NOTCH2: variants seen among roughly 807,000 people sequenced by gnomAD.
NOTCH2 encodes neurogenic locus notch homolog protein 2.
A neutral mutation model predicts 235.8 loss-of-function variants in NOTCH2; 29 were observed. The observed-to-expected ratio is 0.12, with a 90% CI of 0.09 to 0.17. The LOEUF is 0.17. Ranked by LOEUF, NOTCH2 falls within the 10% of genes least tolerant of loss-of-function variation. NOTCH2 has a pLI of 1.00. For missense variants in NOTCH2, 2,285 were observed against 3,150.2 expected (o/e 0.73, Z 6.57); for synonymous variants, 1,086 against 1,141.5 (o/e 0.95, Z 0.98).
At chr1:119,949,574 G>GA (rs1391711731) in intron 15 of NOTCH2, among the ~76,000 whole-genome samples, 1 of 151,954 alleles carries the variant, frequency 6.6e-6, no homozygotes, top group African/African-American at 2.4e-5. Context: ...TTTTAGTAGA[G>GA]ACGGGGTTTC....
Position 120,058,295 on chromosome 1 carries a change from G to A in NOTCH2, c.73+11039C>T, listed in dbSNP as rs148751544. ...GAGGCGGGCGGATCACCTGAGGTCA[G>A]GAGTACGAGACCAGCCTGCCCAACA... is the stretch of plus-strand genomic sequence containing the variant. On this transcript the variant is annotated intron_variant, in intron 1 of 33. Coordinates refer to ENST00000256646, the MANE Select transcript of NOTCH2 (RefSeq NM_024408.4). Among the ~76,000 whole-genome samples, 18 of 151,662 alleles carry A rather than the reference G, an allele frequency of 1.2e-4. No individual in the cohort carries two copies. The East Asian group carries it at 1.7e-3, about 15-fold the overall frequency.
intron 16 of NOTCH2, among the ~76,000 whole-genome samples, 195 bp from the exon 17 acceptor site, chr1:119,948,761 A>G (rs1272168055): frequency 1.3e-5 from 2 of 152,114 alleles, no homozygotes; most frequent in African/African-American, 4.8e-5. Flanking sequence ...TCCCTGAAGA[A>G]TGAACATCAT....
At chr1:119,982,967 T>C (rs74425032) in intron 5 of NOTCH2, among the ~76,000 whole-genome samples, 245 of 152,306 alleles carry the variant, frequency 1.6e-3, no homozygotes, top group Admixed American at 3.5e-3. Flanking sequence ...TGGTAATACC[T>C]ACAGACCATC....
At chr1:119,935,345 G>A in intron 22 of NOTCH2, 127 bp downstream of exon 22, 2 of 1,605,250 alleles carry the variant, frequency 1.2e-6, no homozygotes, top group South Asian at 2.2e-5. Flanking sequence ...CTAGGATGTA[G>A]AACTAAATGC....
Position 119,941,720 on chromosome 1 carries a change from T to A in NOTCH2, c.2787A>T (p.Gly929=). The change falls in exon 18 of 34, where the codon GGA becomes GGT. Residue 929 remains glycine, a synonymous_variant. Coordinates refer to ENST00000256646, the MANE Select transcript of NOTCH2 (RefSeq NM_024408.4). ...PCQNGGSCMD[G]VNTFSCLCLP... The stretch of plus-strand genomic sequence containing the variant: ...GGCAGAGGCAGGAGAAAGTATTCAC[T>A]CCATCCATACAGGAACCTCCATTCT... 1 of 1,614,074 alleles carries A rather than the reference T, an allele frequency of 6.2e-7. No individual in the cohort carries two copies. Among genetic ancestry groups the A allele is most frequent in the East Asian group, 2.2e-5 (1 of 44,882 alleles).
At chr1:119,928,844 A>G (rs1448347522) in intron 23 of NOTCH2, 132 bp downstream of exon 23, 2 of 765,032 alleles carry the variant, frequency 2.6e-6, no homozygotes, top group Non-Finnish European at 4.5e-6. Flanking sequence ...CTGGCTTTAA[A>G]AAATTAAGCT....
chr1:119,919,755 A>C, intron 30 of NOTCH2, 142 bp from the exon 31 acceptor site: 2 of 802,842 alleles, frequency 2.5e-6, no homozygotes, highest in Admixed American at 4.2e-5. Flanking sequence ...TATTAGTTTC[A>C]CATTTGCCAC....
intron 5 of NOTCH2, among the ~76,000 whole-genome samples, chr1:119,973,086 A>G (rs1424921979): frequency 3.9e-5 from 6 of 152,222 alleles, no homozygotes; most frequent in Non-Finnish European, 7.3e-5. Context: ...TGGACCATGC[A>G]TCTGTTCGAT....
intron 5 of NOTCH2, 86 bp from the exon 6 acceptor site, chr1:119,969,830 T>C: frequency 1.7e-6 from 2 of 1,203,166 alleles, no homozygotes; most frequent in Non-Finnish European, 2.4e-6. Flanking sequence ...TTCATCTTCA[T>C]GTGACCTGTC....
Position 119,919,405 on chromosome 1 carries a change from G to A in NOTCH2, c.5688C>T (p.Leu1896=). 6.2e-7 allele frequency: 1 copy of A among 1,613,812 alleles called. No homozygotes were observed. The highest frequency in any genetic ancestry group is 8.5e-7 in the Non-Finnish European group (1 of 1,180,030). The change falls in exon 31 of 34, where the codon CTC becomes CTT. Residue 1896 remains leucine, a synonymous_variant. Coordinates refer to ENST00000256646, the MANE Select transcript of NOTCH2 (RefSeq NM_024408.4). ...RYSRADAAKR[L]LDAGADANAQ... ...CATTGGCATCTGCACCTGCATCCAGGAGACGCTTGGCAGCATCAGCCCGTG... is the reference window on the plus strand; with the variant it reads ...CATTGGCATCTGCACCTGCATCCAGAAGACGCTTGGCAGCATCAGCCCGTG...
chr1:119,973,545 C>T (rs2101155457), intron 5 of NOTCH2, among the ~76,000 whole-genome samples: 1 of 152,276 alleles, frequency 6.6e-6, no homozygotes, highest in South Asian at 2.1e-4. Flanking sequence ...ATCTGATGCT[C>T]TTTGACTGCA....
At chr1:119,925,167 G>T in intron 25 of NOTCH2, 138 bp downstream of exon 25, 1 of 1,029,622 alleles carries the variant, frequency 9.7e-7, no homozygotes, top group Non-Finnish European at 1.5e-6. Flanking sequence ...AGGGCAGTGT[G>T]CGATGGGACA....
At chr1:119,996,316 G>A in intron 4 of NOTCH2, 1 of 320,580 alleles carries the variant, frequency 3.1e-6, no homozygotes, top group Non-Finnish European at 6.0e-6. Flanking sequence ...TTGTATCAGT[G>A]AAGAGTGTAA....
intron 10 of NOTCH2, among the ~76,000 whole-genome samples, chr1:119,964,997 C>T (rs1327087597): frequency 6.6e-6 from 1 of 152,238 alleles, no homozygotes; most frequent in Non-Finnish European, 1.5e-5. Context: ...ACTTGACTCT[C>T]AATCCTATTT....
In NOTCH2 at chr1:119,919,369, G is replaced by A. The variant is rs377600082; in HGVS notation, c.5724C>T (p.Asn1908=). The A allele has an allele frequency of 1.2e-6, 2 of 1,613,582 alleles. No individual in the cohort carries two copies. Among genetic ancestry groups the A allele is most frequent in the Non-Finnish European group, 1.7e-6 (2 of 1,180,036 alleles). ...CAGCATGGAGTGGACAGCGGCCCAT[G>A]TTGTCCTGGGCATTGGCATCTGCAC... ...DAGADANAQD[N]MGRCPLHAAV... is the part of the protein sequence containing the mutation. The change falls in exon 31 of 34, where the codon AAC becomes AAT. Residue 1908 remains asparagine (N), a synonymous_variant. Transcript: ENST00000256646.
intron 4 of NOTCH2, 147 bp downstream of exon 4, chr1:119,996,850 A>T (rs1263695608): frequency 3.3e-6 from 3 of 910,112 alleles, no homozygotes; most frequent in African/African-American, 1.6e-5. Context: ...GGCCCATAAA[A>T]CTCCTCCCTC....
chr1:119,917,188 T>C (rs1649112114), intron 33 of NOTCH2, among the ~76,000 whole-genome samples: 1 of 151,208 alleles, frequency 6.6e-6, no homozygotes, highest in Non-Finnish European at 1.5e-5. Flanking sequence ...AGACAAAACA[T>C]GTGCAAGAAA....
chr1:119,917,334 G>A (rs1490661262), intron 33 of NOTCH2, among the ~76,000 whole-genome samples: 1 of 152,020 alleles, frequency 6.6e-6, no homozygotes, highest in Non-Finnish European at 1.5e-5. Flanking sequence ...GCAGCCGGAG[G>A]GAAAAAAGAA....
intron 1 of NOTCH2, among the ~76,000 whole-genome samples, chr1:120,067,354 T>C (rs1246320387): frequency 4.6e-5 from 7 of 151,332 alleles, no homozygotes; most frequent in Non-Finnish European, 1.0e-4. Flanking sequence ...TCAACTTGAC[T>C]ACCTAAAAGC....
Sources: gnomAD v4.1 joint callset for allele counts (sites outside exome capture counted in the v4.1 genomes callset) on GRCh38, gnomAD v4.1.1 for gene constraint, MANE v1.5 for transcripts, NCBI Gene and HGNC (gene_info 2026-07-23, HGNC 2026-07-21) for gene names.